The following SVOPL variants were observed in gnomAD, a reference collection of about 807,000 sequenced individuals.
The protein encoded by SVOPL is SVOP like, also known as putative transporter SVOPL.
SVOPL carries 60 observed loss-of-function variants against 61.0 expected under a neutral mutation model. The ratio of observed to expected loss-of-function variants is 0.98; its 90% CI spans 0.80 to 1.22. The LOEUF is 1.22. Among genes scored for constraint, SVOPL ranks in the 50% most tolerant of loss-of-function variants. SVOPL has a pLI of 0.00. For missense variants in SVOPL, 662 were observed against 643.9 expected, an observed-to-expected ratio of 1.03 and a Z score of -0.30; for synonymous variants, 279 against 250.0, an observed-to-expected ratio of 1.12 and a Z score of -1.09.
intron 14 of SVOPL, among the ~76,000 whole-genome samples, chr7:138,611,442 T>C (rs1673220): frequency 0.66 from 100,368 of 152,024 alleles, 34,289 homozygotes; most frequent in East Asian, 1. Context: ...AACCAATCCT[T>C]ACCCCTTTAA....
chr7:138,689,522 G>A, intron 1 of SVOPL: 1 of 562,662 alleles, frequency 1.8e-6, no homozygotes, highest in Non-Finnish European at 3.2e-6. Context: ...TGACACGAGA[G>A]TAAATTCAGC....
In SVOPL at chr7:138,594,561, G is replaced by C; in HGVS notation, c.*49C>G. The C allele has an allele frequency of 6.4e-7, 1 of 1,570,238 alleles. No homozygotes were observed. Among genetic ancestry groups the C allele is most frequent in the Non-Finnish European group, 8.6e-7 (1 of 1,158,354 alleles). ...TTTTAAAAAAATGCACCGCAGTTCT[G>C]AAGATAGAATTCATTTTTCTCATCT... On this transcript the variant is annotated 3_prime_UTR_variant, in exon 16 of 16. Coordinates refer to ENST00000674285, the MANE Select transcript of SVOPL (RefSeq NM_001139456.2).
chr7:138,675,501 G>A (rs1584862999), intron 3 of SVOPL, among the ~76,000 whole-genome samples: 1 of 151,866 alleles, frequency 6.6e-6, no homozygotes, highest in South Asian at 2.1e-4. Context: ...TTGCAGGCAT[G>A]TGCCACCATA....
chr7:138,644,651 C>A, intron 9 of SVOPL, 66 bp downstream of exon 9: 1 of 1,583,506 alleles, frequency 6.3e-7, no homozygotes, highest in Non-Finnish European at 8.6e-7. Context: ...CTCCAGCCTT[C>A]CACAACTGAG....
Position 138,596,355 on chromosome 7 carries a change from G to A in SVOPL, c.1467+62C>T, listed in dbSNP as rs1798277459. 41 of 1,435,148 alleles carry A rather than the reference G, an allele frequency of 2.9e-5. No individual in the cohort carries two copies. The South Asian group carries it at 4.8e-4, about 17-fold the overall frequency. The allele number at this position is 1,435,148 out of a possible 1,614,324, so 88.9% of individuals were successfully genotyped here. On this transcript the variant is annotated intron_variant, in intron 15 of 15. Coordinates refer to ENST00000674285, the MANE Select transcript of SVOPL (RefSeq NM_001139456.2). Reference sequence around the variant, plus strand: ...AACTACAATGATGCCCATATACCAAGTTCATTTGCTCTGGGCAAAAGTGGT... The same window carrying A: ...AACTACAATGATGCCCATATACCAAATTCATTTGCTCTGGGCAAAAGTGGT...
chr7:138,655,736 A>G (rs1223196963), intron 7 of SVOPL, among the ~76,000 whole-genome samples: 1 of 150,686 alleles, frequency 6.6e-6, no homozygotes, highest in African/African-American at 2.4e-5. Flanking sequence ...ATATAGATAT[A>G]TATTCATTTA....
intron 14 of SVOPL, among the ~76,000 whole-genome samples, chr7:138,610,668 C>T (rs1798959497): frequency 1.3e-5 from 2 of 152,226 alleles, no homozygotes; most frequent in Non-Finnish European, 2.9e-5. Flanking sequence ...TATGAGCCCT[C>T]TTCTCCACTA....
intron 15 of SVOPL, 80 bp downstream of exon 15, chr7:138,596,337 A>G (rs879066349): frequency 8.7e-6 from 10 of 1,143,716 alleles, no homozygotes; most frequent in African/African-American, 3.1e-5. Flanking sequence ...TTTAACTACA[A>G]TGATGCCCAT....
At chr7:138,648,665 G>A (rs560223628) in intron 8 of SVOPL, among the ~76,000 whole-genome samples, 2 of 150,824 alleles carry the variant, frequency 1.3e-5, no homozygotes, top group East Asian at 2.0e-4. Flanking sequence ...CCGAGGTCGC[G>A]CCACTGCACT....
chr7:138,667,821 G>C (rs1802306853), intron 4 of SVOPL, among the ~76,000 whole-genome samples: 1 of 152,178 alleles, frequency 6.6e-6, no homozygotes, highest in Non-Finnish European at 1.5e-5. Flanking sequence ...CCTCCAAACT[G>C]TCCTTGGTCA....
chr7:138,636,675 T>G (rs530900013), intron 9 of SVOPL, among the ~76,000 whole-genome samples: 2 of 152,200 alleles, frequency 1.3e-5, no homozygotes, highest in African/African-American at 2.4e-5. Context: ...TTCATCATGT[T>G]GGCCAGGCTG....
chr7:138,599,427 A>G (rs1375847564), intron 14 of SVOPL, among the ~76,000 whole-genome samples: 2 of 152,186 alleles, frequency 1.3e-5, no homozygotes, highest in Non-Finnish European at 2.9e-5. Context: ...ATCTATGGAC[A>G]TTTGGTTTAT....
chr7:138,642,018 T>TAAG (rs1040818506), intron 9 of SVOPL, among the ~76,000 whole-genome samples: 44 of 150,900 alleles, frequency 2.9e-4, no homozygotes, highest in African/African-American at 1.1e-3. Context: ...AAGAAGTCCC[T>TAAG]ATATAGAGGA....
chr7:138,647,767 G>A (rs1801191779), intron 8 of SVOPL, among the ~76,000 whole-genome samples: 1 of 149,228 alleles, frequency 6.7e-6, no homozygotes, highest in Non-Finnish European at 1.5e-5. Flanking sequence ...AGAATCACTT[G>A]AACATGGGAG....
intron 14 of SVOPL, among the ~76,000 whole-genome samples, chr7:138,616,784 TATTA>T (rs1799321223): frequency 2.0e-5 from 3 of 152,268 alleles, no homozygotes; most frequent in South Asian, 2.1e-4. Flanking sequence ...GGTGAATTAT[TATTA>T]ATTAATTTGT....
chr7:138,679,577 C>G (rs996811189), intron 1 of SVOPL, among the ~76,000 whole-genome samples: 3 of 152,078 alleles, frequency 2.0e-5, no homozygotes, highest in Non-Finnish European at 2.9e-5. Context: ...CCAGCCTTCC[C>G]TACTACTTTT....
intron 14 of SVOPL, chr7:138,597,128 A>C: frequency 7.8e-7 from 1 of 1,282,956 alleles, no homozygotes; most frequent in Non-Finnish European, 1.0e-6. Context: ...TTTCACGCAG[A>C]TACTGGTAAT....
intron 4 of SVOPL, chr7:138,664,284 C>G (rs1401659269): frequency 1.0e-6 from 1 of 975,334 alleles, no homozygotes; most frequent in Admixed American, 6.2e-5. Context: ...GAGCTCCCAT[C>G]GGGCACGCGC....
chr7:138,668,198 A>C (rs1802323629), intron 4 of SVOPL, among the ~76,000 whole-genome samples: 1 of 151,956 alleles, frequency 6.6e-6, no homozygotes, highest in African/African-American at 2.4e-5. Flanking sequence ...TTTCATCTCT[A>C]ACCCACCTAA....
Sources: gnomAD v4.1 joint callset for allele counts (sites outside exome capture counted in the v4.1 genomes callset) on GRCh38, gnomAD v4.1.1 for gene constraint, MANE v1.5 for transcripts, NCBI Gene and HGNC (gene_info 2026-07-23, HGNC 2026-07-21) for gene names.